Variants in PRKN observed in about 807,000 individuals in gnomAD.
PRKN encodes the protein E3 ubiquitin-protein ligase parkin.
A neutral mutation model predicts 59.5 loss-of-function variants in PRKN; 56 were observed. The ratio of observed to expected loss-of-function variants is 0.94; its 90% CI spans 0.76 to 1.18. PRKN has a LOEUF of 1.18. PRKN is among the 50% of genes most tolerant of loss of function. The pLI, the probability that PRKN is intolerant of heterozygous loss-of-function variation, is 0.00. For missense variants in PRKN, 657 were observed against 596.4 expected (o/e 1.10, Z -1.06); for synonymous variants, 250 against 222.1 (o/e 1.13, Z -1.12).
chr6:161,908,014 G>A (rs1464462588), intron 6 of PRKN, among the ~76,000 whole-genome samples: 2 of 152,012 alleles, frequency 1.3e-5, no homozygotes, highest in Non-Finnish European at 2.9e-5. Flanking sequence ...AGAGGCAAAG[G>A]TTGCCGTGAG....
chr6:161,357,166 CTCAGGT>C lies in PRKN; in HGVS notation c.1285+2916_1285+2921del. ...TCCCAGGTTCAAGTAATTCTCCTGC[CTCAGGT>C]TCCCAAGCAGTTGGGACTACAGGCA... On this transcript the variant is annotated intron_variant, in intron 11 of 11. Coordinates refer to ENST00000366898, the MANE Select transcript of PRKN (RefSeq NM_004562.3). The surrounding 1 kb of genome is among the most constrained non-coding windows in gnomAD (Gnocchi z 5.5). Among the ~76,000 whole-genome samples, 1 of 151,690 alleles carries C rather than the reference CTCAGGT, an allele frequency of 6.6e-6. No individual in the cohort carries two copies. Among genetic ancestry groups the C allele is most frequent in the Non-Finnish European group, 1.5e-5 (1 of 67,974 alleles).
intron 6 of PRKN, among the ~76,000 whole-genome samples, chr6:161,798,377 A>T (rs1185487776): frequency 1.3e-5 from 2 of 152,206 alleles, no homozygotes; most frequent in African/African-American, 4.8e-5. Flanking sequence ...CGGCTGCAGC[A>T]TTAGCTGGCC....
At chr6:161,504,508 C>T (rs1778078709) in intron 9 of PRKN, among the ~76,000 whole-genome samples, 2 of 147,704 alleles carry the variant, frequency 1.4e-5, no homozygotes, top group Admixed American at 6.8e-5. Flanking sequence ...TGGGAACAGA[C>T]CAAACACTGT....
At chr6:161,680,219 A>C (rs1436679163) in intron 7 of PRKN, among the ~76,000 whole-genome samples, 2 of 152,180 alleles carry the variant, frequency 1.3e-5, no homozygotes, top group East Asian at 3.9e-4. Context: ...CTTTCTCCTT[A>C]ATTAGAGCAC....
At chr6:161,490,386 C>CT (rs34217261) in intron 9 of PRKN, among the ~76,000 whole-genome samples, 1,639 of 112,264 alleles carry the variant, frequency 0.015, 152 homozygotes, top group African/African-American at 0.049. Flanking sequence ...TCTTTCTTTC[C>CT]TTTTTTTTTT....
At chr6:161,494,416 G>A (rs912163811) in intron 9 of PRKN, among the ~76,000 whole-genome samples, 1 of 152,188 alleles carries the variant, frequency 6.6e-6, no homozygotes, top group African/African-American at 2.4e-5. Context: ...TTTCATGCCT[G>A]TGGAACAAGG....
At chr6:162,531,857 T>C (rs1243498279) in intron 1 of PRKN, among the ~76,000 whole-genome samples, 1 of 151,694 alleles carries the variant, frequency 6.6e-6, no homozygotes, top group African/African-American at 2.4e-5. Context: ...GTGGTTTCAC[T>C]TGAACCCAGG....
intron 1 of PRKN, among the ~76,000 whole-genome samples, chr6:162,719,105 T>C (rs937599518): frequency 2.6e-5 from 4 of 152,190 alleles, no homozygotes; most frequent in Non-Finnish European, 4.4e-5. Flanking sequence ...CTCTACGAAA[T>C]ATCACTCTCT....
chr6:162,507,427 A>C (rs1793658204), intron 1 of PRKN, among the ~76,000 whole-genome samples: 1 of 152,126 alleles, frequency 6.6e-6, no homozygotes, highest in Non-Finnish European at 1.5e-5. Flanking sequence ...AAGAAAAGAA[A>C]AAAAATTATA....
At chr6:161,853,834 C>T (rs1426217831) in intron 6 of PRKN, among the ~76,000 whole-genome samples, 1 of 152,162 alleles carries the variant, frequency 6.6e-6, no homozygotes, top group Non-Finnish European at 1.5e-5. Context: ...CTAAGAATTT[C>T]CCACAGACAT....
At chr6:161,411,741 GTCATTCCTCCATTCAC>G (rs1208700007) in intron 9 of PRKN, among the ~76,000 whole-genome samples, 4 of 130,936 alleles carry the variant, frequency 3.1e-5, no homozygotes, top group African/African-American at 1.2e-4. Flanking sequence ...CCTCCACTCA[GTCATTCCTCCATTCAC>G]TCATTCCTTC....
chr6:162,291,066 G>T (rs184322918), intron 2 of PRKN, among the ~76,000 whole-genome samples: 282 of 152,290 alleles, frequency 1.9e-3, no homozygotes, highest in African/African-American at 5.3e-3. Context: ...ACATAGCAGA[G>T]AATCAGGAAA....
chr6:161,630,189 G>C (rs550752823), intron 7 of PRKN, among the ~76,000 whole-genome samples: 20 of 152,282 alleles, frequency 1.3e-4, no homozygotes, highest in African/African-American at 4.8e-4. Context: ...AATATAATAT[G>C]AAAGCAGAGC....
At chr6:161,743,403 T>C (rs1423937953) in intron 7 of PRKN, among the ~76,000 whole-genome samples, 2 of 149,588 alleles carry the variant, frequency 1.3e-5, no homozygotes, top group Non-Finnish European at 1.5e-5. Context: ...TATTTATTTA[T>C]TTATTTATTT....
At chr6:162,320,971 A>C (rs1782996675) in intron 2 of PRKN, among the ~76,000 whole-genome samples, 1 of 151,916 alleles carries the variant, frequency 6.6e-6, no homozygotes, top group Non-Finnish European at 1.5e-5. Context: ...CACAAACAAA[A>C]AATGAAGAGC....
intron 4 of PRKN, among the ~76,000 whole-genome samples, chr6:162,107,012 T>A (rs1046505747): frequency 6.6e-6 from 1 of 152,188 alleles, no homozygotes; most frequent in African/African-American, 2.4e-5. Flanking sequence ...GAGCTCGGTG[T>A]CACTCAACCT....
chr6:161,816,213 G>A (rs2128214838), intron 6 of PRKN, among the ~76,000 whole-genome samples: 1 of 152,190 alleles, frequency 6.6e-6, no homozygotes, highest in Non-Finnish European at 1.5e-5. Context: ...GCATGCGTGA[G>A]TCTTAAAATA....
In PRKN at chr6:161,467,212, T is replaced by G. The variant is rs763217570; in HGVS notation, c.1084-80335A>C. Among the ~76,000 whole-genome samples the G allele has an allele frequency of 4.0e-5, 6 of 151,614 alleles. No individual in the cohort carries two copies. Among genetic ancestry groups the G allele is most frequent in the Non-Finnish European group, 8.8e-5 (6 of 67,874 alleles). ...AAAGTGGCATTTTGAGAGAGACTTC[T>G]TCCATCTACACCCTTCTGTCTTAAG... On this transcript the variant is annotated intron_variant, in intron 9 of 11. Transcript: ENST00000366898. The surrounding 1 kb of genome is among the most constrained non-coding windows in gnomAD (Gnocchi z 4.3).
Position 161,461,708 on chromosome 6 carries a change from A to C in PRKN, c.1084-74831T>G, listed in dbSNP as rs1400452364. On this transcript the variant is annotated intron_variant, in intron 9 of 11. Coordinates refer to ENST00000366898, the MANE Select transcript of PRKN (RefSeq NM_004562.3). The surrounding 1 kb of genome is among the most constrained non-coding windows in gnomAD (Gnocchi z 5.1). Reference sequence around the variant, plus strand: ...GACAGGACAGGGTTGCATGTGGGTGAGGGAAGAGGTGGAAAAATGAGCTCA... The same window carrying C: ...GACAGGACAGGGTTGCATGTGGGTGCGGGAAGAGGTGGAAAAATGAGCTCA... Among the ~76,000 whole-genome samples the C allele has an allele frequency of 6.6e-6, 1 of 152,190 alleles. No individual in the cohort carries two copies. The highest frequency in any genetic ancestry group is 1.5e-5 in the Non-Finnish European group (1 of 68,014).
Sources: allele counts gnomAD v4.1 joint callset (sites outside exome capture counted in the v4.1 genomes callset), GRCh38; gene constraint gnomAD v4.1.1; non-coding constraint Gnocchi (gnomAD v3.1); transcripts MANE v1.5; gene names NCBI Gene and HGNC (gene_info 2026-07-23, HGNC 2026-07-21).